Variants in PALS2 observed in about 807,000 individuals in gnomAD.
PALS2 encodes protein associated with LIN7 2, MAGUK p55 family member, also known as protein PALS2.
PALS2 carries 27 observed loss-of-function variants against 61.6 expected under a neutral mutation model. The observed-to-expected ratio is 0.44, with a 90% confidence interval of 0.32 to 0.60. The LOEUF (loss-of-function observed/expected upper bound fraction) is 0.60. PALS2 is among the 20% of genes least tolerant of loss of function. The probability of loss-of-function intolerance (pLI) is 0.05; values close to 1 mark genes in which losing one functional copy is unlikely to be tolerated. For synonymous variants in PALS2, 236 were observed against 218.6 expected (o/e 1.08, Z -0.70); for missense variants, 554 against 639.4 (o/e 0.87, Z 1.44).
chr7:24,623,764 A>G lies in PALS2; in HGVS notation c.97A>G (p.Ile33Val), dbSNP rs762915480. 4 of 1,579,910 alleles carry G rather than the reference A, an allele frequency of 2.5e-6. No homozygotes were observed. The highest frequency in any genetic ancestry group is 2.2e-5 in the East Asian group (1 of 44,648). The change falls in exon 2 of 12, where the codon ATT (isoleucine) becomes GTT (valine). Residue 33 changes from isoleucine to valine, a missense_variant. Coordinates refer to ENST00000222644, the MANE Select transcript of PALS2 (RefSeq NM_001303037.2). ...IFLKGIMENP[I>V]VKSLAKAHER... Reference sequence around the variant, plus strand: ...CCTCAAGGGAATTATGGAGAATCCTATTGTAAAATCACTTGCTAAGGTATA... The same window carrying G: ...CCTCAAGGGAATTATGGAGAATCCTGTTGTAAAATCACTTGCTAAGGTATA...
intron 6 of PALS2, 34 bp downstream of exon 6, chr7:24,663,755 T>C: frequency 1.3e-6 from 2 of 1,578,314 alleles, no homozygotes; most frequent in Non-Finnish European, 1.7e-6. Context: ...CTCAGCTACT[T>C]TTCTAATTTT....
intron 11 of PALS2, among the ~76,000 whole-genome samples, chr7:24,684,736 CT>C (rs1361630694): frequency 6.6e-6 from 1 of 152,090 alleles, no homozygotes; most frequent in Non-Finnish European, 1.5e-5. Context: ...TTACATTATT[CT>C]TCTTGGGCTT....
At chr7:24,590,937 C>T (rs1468392885) in intron 1 of PALS2, among the ~76,000 whole-genome samples, 1 of 151,044 alleles carries the variant, frequency 6.6e-6, no homozygotes, top group African/African-American at 2.4e-5. Context: ...TTCAAGGGTA[C>T]CTTCTTTGCC....
chr7:24,657,991 A>G (rs774525814), intron 5 of PALS2, among the ~76,000 whole-genome samples: 2 of 148,592 alleles, frequency 1.3e-5, no homozygotes, highest in Non-Finnish European at 3.0e-5. Context: ...AACTTTGACA[A>G]TAATTTCTTC....
chr7:24,676,399 T>G (rs1787595058), intron 9 of PALS2, among the ~76,000 whole-genome samples: 1 of 151,880 alleles, frequency 6.6e-6, no homozygotes, highest in Admixed American at 6.6e-5. Flanking sequence ...ATTTGTCAAT[T>G]TTGTCTTTTG....
At chr7:24,669,868 T>A (rs2128089956) in intron 9 of PALS2, among the ~76,000 whole-genome samples, 1 of 152,346 alleles carries the variant, frequency 6.6e-6, no homozygotes, top group Middle Eastern at 3.4e-3. Flanking sequence ...AACTTCACTG[T>A]AATCAACGTA....
chr7:24,674,080 A>G (rs1787441126), intron 9 of PALS2, among the ~76,000 whole-genome samples: 1 of 152,106 alleles, frequency 6.6e-6, no homozygotes, highest in Non-Finnish European at 1.5e-5. Context: ...AATCCCGAAT[A>G]TGCAACTATG....
At chr7:24,683,718 T>G (rs1562666934) in intron 11 of PALS2, among the ~76,000 whole-genome samples, 1 of 152,220 alleles carries the variant, frequency 6.6e-6, no homozygotes, top group Non-Finnish European at 1.5e-5. Flanking sequence ...ACATAGTTGA[T>G]CACTGCTTCT....
rs1315491615 is a variant in PALS2, at chr7:24,689,967, TAG to T, written c.*2355_*2356del. 1 of 152,250 alleles carries T rather than the reference TAG, an allele frequency of 6.6e-6. No individual in the cohort carries two copies. The highest frequency in any genetic ancestry group is 1.5e-5 in the Non-Finnish European group (1 of 68,046). 9.4% of individuals were successfully genotyped at this position (152,250 alleles called of 1,614,324 possible). ...AAATATTTCAATCATCTTGGTACAA[TAG>T]ATGACTTTTACATCATGTATATTAG... is the stretch of plus-strand genomic sequence containing the variant. On this transcript the variant is annotated 3_prime_UTR_variant, in exon 12 of 12. Transcript: ENST00000222644.
chr7:24,639,876 G>A (rs1363830804), intron 2 of PALS2, among the ~76,000 whole-genome samples: 1 of 145,608 alleles, frequency 6.9e-6, no homozygotes, highest in Non-Finnish European at 1.5e-5. Context: ...GAGTGCAGTG[G>A]CATGATCTTG....
At chr7:24,663,396 TTTA>T (rs748163183) in intron 5 of PALS2, 191 bp from the exon 6 acceptor site, 12 of 431,896 alleles carry the variant, frequency 2.8e-5, no homozygotes, top group African/African-American at 2.1e-5. Flanking sequence ...GAGAAGAAGT[TTTA>T]TTATCTTTCT....
At chr7:24,607,391 G>T (rs1327844229) in intron 1 of PALS2, among the ~76,000 whole-genome samples, 1 of 151,752 alleles carries the variant, frequency 6.6e-6, no homozygotes, top group Non-Finnish European at 1.5e-5. Flanking sequence ...TCTGACAATT[G>T]AAAAATCATG....
intron 10 of PALS2, 140 bp from the exon 11 acceptor site, chr7:24,680,252 A>T: frequency 1.3e-6 from 1 of 743,530 alleles, no homozygotes. Flanking sequence ...TGGAATGAGA[A>T]GGACAGAACA....
In PALS2 at chr7:24,656,279, C is replaced by G. The variant is rs537269534; in HGVS notation, c.651+5567C>G. 3.9e-5 allele frequency among the ~76,000 whole-genome samples: 6 copies of G among 152,250 alleles called. No homozygotes were observed. In the South Asian group the frequency reaches 1.2e-3, roughly 32 times the overall value. On this transcript the variant is annotated intron_variant, in intron 5 of 11. Transcript: ENST00000222644. ...GTCAAGGTGGAGCTGTTTTTCTAGC[C>G]GTTTCATCCATTTAATTTTTCTCCC... is the stretch of plus-strand genomic sequence containing the variant.
intron 1 of PALS2, among the ~76,000 whole-genome samples, chr7:24,622,305 G>A (rs773299871): frequency 4.0e-5 from 6 of 151,838 alleles, no homozygotes; most frequent in Non-Finnish European, 7.4e-5. Context: ...CATGAACATG[G>A]GATGTCATTC....
intron 3 of PALS2, among the ~76,000 whole-genome samples, chr7:24,642,745 G>A (rs778147645): frequency 1.3e-5 from 2 of 152,086 alleles, no homozygotes; most frequent in African/African-American, 2.4e-5. Flanking sequence ...AGATGGTTCC[G>A]ACATAAATTA....
chr7:24,593,978 T>TAATAA (rs1176624266), intron 1 of PALS2, among the ~76,000 whole-genome samples: 2 of 152,116 alleles, frequency 1.3e-5, no homozygotes, highest in Admixed American at 6.6e-5. Context: ...CCTATGTGGC[T>TAATAA]AATAAAAGGC....
intron 2 of PALS2, among the ~76,000 whole-genome samples, chr7:24,633,926 G>A (rs1051381031): frequency 6.6e-6 from 1 of 152,164 alleles, no homozygotes; most frequent in Non-Finnish European, 1.5e-5. Flanking sequence ...CCTAGTGGGT[G>A]TGAAGTGGTA....
chr7:24,587,540 T>G (rs1250407289), intron 1 of PALS2, among the ~76,000 whole-genome samples: 1 of 151,530 alleles, frequency 6.6e-6, no homozygotes, highest in Non-Finnish European at 1.5e-5. Context: ...AATTTTTTTT[T>G]TTTTTTTTTA....
Sources: allele counts gnomAD v4.1 joint callset (sites outside exome capture counted in the v4.1 genomes callset), GRCh38; gene constraint gnomAD v4.1.1; transcripts MANE v1.5; gene names NCBI Gene and HGNC (gene_info 2026-07-23, HGNC 2026-07-21).